The following CENPP variants were observed in gnomAD, a reference collection of about 807,000 sequenced individuals.
The protein encoded by CENPP is centromere protein P.
Under a neutral mutation model 35.6 loss-of-function variants are expected in CENPP, and 24 were observed. The ratio of observed to expected loss-of-function variants is 0.67; its 90% confidence interval spans 0.49 to 0.95. The LOEUF (loss-of-function observed/expected upper bound fraction) is 0.95, where lower values mean the gene tolerates loss of function less well. Ranked by LOEUF, CENPP falls within the 40% of genes least tolerant of loss-of-function variation. The pLI, the probability that CENPP is intolerant of heterozygous loss-of-function variation, is 0.00. For missense variants in CENPP, 332 were observed against 345.3 expected, an observed-to-expected ratio of 0.96 and a Z score of 0.31; for synonymous variants, 120 against 125.5, an observed-to-expected ratio of 0.96 and a Z score of 0.29.
chr9:92,443,379 C>G (rs1844470361), intron 5 of CENPP, among the ~76,000 whole-genome samples: 1 of 151,924 alleles, frequency 6.6e-6, no homozygotes, highest in Non-Finnish European at 1.5e-5. Flanking sequence ...TGGGGTAACT[C>G]TAAAAAAAAT....
chr9:92,350,997 T>C (rs981626299), intron 4 of CENPP, among the ~76,000 whole-genome samples: 1 of 152,226 alleles, frequency 6.6e-6, no homozygotes, highest in African/African-American at 2.4e-5. Flanking sequence ...TGAGTAGGTG[T>C]GAACTAACAC....
intron 5 of CENPP, among the ~76,000 whole-genome samples, chr9:92,426,911 A>G (rs72752475): frequency 0.031 from 4,709 of 152,308 alleles, 113 homozygotes; most frequent in South Asian, 0.084. Context: ...AAGCAGGAGC[A>G]CTTTAAGCAG....
At chr9:92,493,302 A>G (rs1370501582) in intron 5 of CENPP, among the ~76,000 whole-genome samples, 1 of 152,228 alleles carries the variant, frequency 6.6e-6, no homozygotes, top group Non-Finnish European at 1.5e-5. Flanking sequence ...TGTTCCAAAC[A>G]TGTTATTTTA....
chr9:92,442,511 T>A (rs1844436337), intron 5 of CENPP, among the ~76,000 whole-genome samples: 1 of 151,666 alleles, frequency 6.6e-6, no homozygotes, highest in South Asian at 2.1e-4. Context: ...ATTCATAATA[T>A]TAACAGAATA....
intron 5 of CENPP, among the ~76,000 whole-genome samples, chr9:92,497,874 TAAAA>T (rs71362393): frequency 1.3e-4 from 18 of 134,874 alleles, no homozygotes; most frequent in Admixed American, 1.5e-4. Flanking sequence ...GCTGGTTGTT[TAAAA>T]AAAAAAAAAA....
intron 5 of CENPP, among the ~76,000 whole-genome samples, chr9:92,380,451 C>T (rs1842217496): frequency 6.7e-6 from 1 of 149,674 alleles, no homozygotes; most frequent in South Asian, 2.1e-4. Context: ...ACACAGCAAC[C>T]AGTTCTGAAA....
At chr9:92,600,371 G>GAT in intron 5 of CENPP, 1 of 1,574,932 alleles carries the variant, frequency 6.3e-7, no homozygotes, top group South Asian at 1.2e-5. Flanking sequence ...ATGCCATTGG[G>GAT]ATATATTTCC....
chr9:92,551,728 C>T (rs766403549), intron 5 of CENPP, among the ~76,000 whole-genome samples: 1 of 151,638 alleles, frequency 6.6e-6, no homozygotes, highest in African/African-American at 2.4e-5. Flanking sequence ...TATGCCCTTG[C>T]GTCCTCATAG....
intron 5 of CENPP, among the ~76,000 whole-genome samples, chr9:92,585,730 G>A (rs1850524159): frequency 6.6e-6 from 1 of 152,166 alleles, no homozygotes; most frequent in African/African-American, 2.4e-5. Context: ...CAGAACACTT[G>A]CAACGACTGG....
intron 5 of CENPP, among the ~76,000 whole-genome samples, chr9:92,531,617 G>A (rs928185928): frequency 1.3e-5 from 2 of 151,998 alleles, no homozygotes; most frequent in African/African-American, 4.8e-5. Context: ...GATGCCATTA[G>A]TACCTTCCTC....
chr9:92,573,397 G>A (rs1041797924), intron 5 of CENPP, among the ~76,000 whole-genome samples: 3 of 152,204 alleles, frequency 2.0e-5, no homozygotes, highest in East Asian at 1.9e-4. Flanking sequence ...TATCACCAGC[G>A]GATGCTGCAG....
rs142773506 is a variant in CENPP, at chr9:92,408,656, G to T, written c.564+28797G>T. On this transcript the variant is annotated intron_variant, in intron 5 of 7. Transcript: ENST00000375587. ...GGACCTGATAATTCTCTGTTGTGGG[G>T]GCTGTCCTGTGTGCACTTTAGGATG... is the stretch of plus-strand genomic sequence containing the variant. Among the ~76,000 whole-genome samples, 8 of 152,114 alleles carry T rather than the reference G, an allele frequency of 5.3e-5. No homozygotes were observed. In the East Asian group the frequency reaches 1.5e-3, roughly 29 times the overall value.
At chr9:92,514,232 G>C (rs1463105215) in intron 5 of CENPP, among the ~76,000 whole-genome samples, 1 of 150,400 alleles carries the variant, frequency 6.6e-6, no homozygotes, top group Non-Finnish European at 1.5e-5. Flanking sequence ...GAGTAGCTGG[G>C]ACTACAAGTG....
chr9:92,363,205 G>C (rs770288331), intron 4 of CENPP, among the ~76,000 whole-genome samples: 42 of 145,918 alleles, frequency 2.9e-4, no homozygotes, highest in Non-Finnish European at 4.8e-4. Flanking sequence ...TCAACAAACA[G>C]TACTAGGAAA....
At chr9:92,479,081 A>G (rs7031567) in intron 5 of CENPP, among the ~76,000 whole-genome samples, 61,040 of 151,868 alleles carry the variant, frequency 0.4, 14,288 homozygotes, top group African/African-American at 0.64. Context: ...CTGAGGTTCG[A>G]GATGAGGAAC....
intron 1 of CENPP, 93 bp from the exon 2 acceptor site, chr9:92,332,077 G>A: frequency 1.4e-6 from 1 of 690,704 alleles, no homozygotes. Context: ...GAGAGTAAGA[G>A]GGACAAAATG....
rs1480492757 is a variant in CENPP at position 92,325,955 on chromosome 9, A to G, written c.-44A>G. On this transcript the variant is annotated 5_prime_UTR_variant, in exon 1 of 8. Coordinates refer to ENST00000375587, the MANE Select transcript of CENPP (RefSeq NM_001012267.3). ...AGCGCGGGTGAAGCGCGCAGGTCGGAGTGACAGCTGCGCTGCCGGCCCGGC... is the reference window on the plus strand; with the variant it reads ...AGCGCGGGTGAAGCGCGCAGGTCGGGGTGACAGCTGCGCTGCCGGCCCGGC... 1 of 1,489,422 alleles carries G rather than the reference A, an allele frequency of 6.7e-7. No homozygotes were observed. The highest frequency in any genetic ancestry group is 1.7e-4 in the Middle Eastern group (1 of 5,818). The allele number at this position is 1,489,422 out of a possible 1,614,324, so 92.3% of individuals were successfully genotyped here.
chr9:92,506,861 C>T (rs943259412), intron 5 of CENPP, among the ~76,000 whole-genome samples: 38 of 152,090 alleles, frequency 2.5e-4, no homozygotes, highest in African/African-American at 8.7e-4. Context: ...AAGGTTGGTG[C>T]TCAGAGAGAA....
At chr9:92,535,277 C>T (rs1244350494) in intron 5 of CENPP, among the ~76,000 whole-genome samples, 1 of 151,982 alleles carries the variant, frequency 6.6e-6, no homozygotes, top group Non-Finnish European at 1.5e-5. Flanking sequence ...ATGCTTAGGC[C>T]CTCATTATTT....
Sources: allele counts gnomAD v4.1 joint callset (sites outside exome capture counted in the v4.1 genomes callset), GRCh38; gene constraint gnomAD v4.1.1; transcripts MANE v1.5; gene names NCBI Gene and HGNC (gene_info 2026-07-23, HGNC 2026-07-21).